AGL: variants seen among roughly 807,000 people sequenced by gnomAD.
The protein encoded by AGL is amylo-alpha-1,6-glucosidase and 4-alpha-glucanotransferase.
Under a neutral mutation model 199.3 loss-of-function variants are expected in AGL, and 128 were observed. The ratio of observed to expected loss-of-function variants is 0.64; its 90% CI spans 0.56 to 0.74. The LOEUF (loss-of-function observed/expected upper bound fraction) is 0.74. Ranked by LOEUF, AGL falls within the 30% of genes least tolerant of loss-of-function variation. The probability of loss-of-function intolerance (pLI) is 0.00; values close to 1 mark genes in which losing one functional copy is unlikely to be tolerated. For synonymous variants in AGL, 584 were observed against 594.7 expected (o/e 0.98, Z 0.26); for missense variants, 1,809 against 1,820.8 (o/e 0.99, Z 0.12).
intron 24 of AGL, 99 bp downstream of exon 24, chr1:99,892,706 C>A: frequency 8.3e-7 from 1 of 1,199,644 alleles, no homozygotes; most frequent in Non-Finnish European, 1.2e-6. Flanking sequence ...TGTAATGCTA[C>A]TCAAGATTTT....
intron 12 of AGL, among the ~76,000 whole-genome samples, chr1:99,878,791 G>T (rs1651778602): frequency 6.6e-6 from 1 of 152,114 alleles, no homozygotes; most frequent in Non-Finnish European, 1.5e-5. Context: ...GGGATTTAGT[G>T]AATATTAGTT....
At position 99,910,824 on chromosome 1, in the gene AGL, CAG is replaced by C. The variant is rs867341758; in HGVS notation, c.3816_3817del (p.Gly1273AsnfsTer18). On this transcript the variant is annotated frameshift_variant, in exon 28 of 34. Transcript: ENST00000361915. LOFTEE classifies it high-confidence loss of function. The part of the protein sequence containing the change: ...KMGESDRARN[R>X]GIPATPRDGS... ...TGGGAGAAAGTGACAGAGCTAGAAA[CAG>C]AGGAATCCCAGCCACACCAAGGTAG... The C allele has an allele frequency of 5.0e-6, 8 of 1,612,942 alleles. No individual in the cohort carries two copies. Among genetic ancestry groups the C allele is most frequent in the African/African-American group, 2.7e-5 (2 of 74,872 alleles).
chr1:99,899,051 C>T (rs1023643238), intron 25 of AGL, among the ~76,000 whole-genome samples: 2 of 151,986 alleles, frequency 1.3e-5, no homozygotes, highest in South Asian at 2.1e-4. Flanking sequence ...TCAAGACCAG[C>T]CTGGGCAACA....
At chr1:99,871,579 GA>G (rs2101116214) in intron 7 of AGL, among the ~76,000 whole-genome samples, 1 of 152,244 alleles carries the variant, frequency 6.6e-6, no homozygotes, top group East Asian at 1.9e-4. Flanking sequence ...TTCTCTTGCA[GA>G]AAACAGAACT....
In AGL at chr1:99,875,404, G is replaced by T. The variant is rs751699986; in HGVS notation, c.1232G>T (p.Gly411Val). ...LGNVFYERLA[G>V]HGPKLGPVTR... ...AATGTGTTTTATGAACGACTGGCTG[G>T]CCATGGTCCAAAACTAGGACCTGTC... is the stretch of plus-strand genomic sequence containing the variant. Residue 411 changes from glycine to valine, a missense_variant, in exon 10 of 34, where the codon GGC becomes GTC. Physicochemically the swap from Gly to Val is moderately radical, Grantham distance 109. Coordinates refer to ENST00000361915, the MANE Select transcript of AGL (RefSeq NM_000642.3). The T allele has an allele frequency of 1.9e-6, 3 of 1,614,100 alleles. No individual in the cohort carries two copies. The highest frequency in any genetic ancestry group is 2.5e-6 in the Non-Finnish European group (3 of 1,180,008).
At chr1:99,911,005 T>A (rs1654717599) in intron 28 of AGL, among the ~76,000 whole-genome samples, 158 bp downstream of exon 28, 1 of 152,226 alleles carries the variant, frequency 6.6e-6, no homozygotes. Context: ...ATTTACACAA[T>A]CCTGTTGATA....
chr1:99,886,408 C>G (rs1652456287), intron 20 of AGL, among the ~76,000 whole-genome samples: 1 of 151,956 alleles, frequency 6.6e-6, no homozygotes, highest in African/African-American at 2.4e-5. Flanking sequence ...TCAGTTGAGC[C>G]CAGGAGGTCT....
Position 99,875,278 on chromosome 1 carries a change from C to G in AGL, c.1185+22C>G, listed in dbSNP as rs754803498. The G allele has an allele frequency of 3.7e-6, 6 of 1,611,254 alleles. No individual in the cohort carries two copies. The South Asian group carries it at 5.5e-5, about 15-fold the overall frequency. On this transcript the variant is annotated intron_variant, in intron 9 of 33. Coordinates refer to ENST00000361915, the MANE Select transcript of AGL (RefSeq NM_000642.3). ...ACAGGTTTTACTTATTTTTGAACTG[C>G]TGCTTTTCCTTGCATCTTACTACTA...
rs188281643 is a variant in AGL at position 99,861,256 on chromosome 1, G to A, written c.83-247G>A. 736 of 1,349,204 alleles carry A rather than the reference G, an allele frequency of 5.5e-4. 2 individuals carry two copies. The African/African-American group carries it at 9.3e-3, about 17-fold the overall frequency. The allele number at this position is 1,349,204 out of a possible 1,614,324, so 83.6% of individuals were successfully genotyped here. On this transcript the variant is annotated intron_variant, in intron 2 of 33. Transcript: ENST00000361915. ...CAAGTTGCTATGTGAATAGGAATGC[G>A]TTTCCAGGGGAAGGAGAAAGAGACA...
chr1:99,885,064 T>C (rs1363943097), intron 20 of AGL, among the ~76,000 whole-genome samples: 2 of 152,244 alleles, frequency 1.3e-5, no homozygotes, highest in African/African-American at 4.8e-5. Flanking sequence ...TATTCTACTT[T>C]ATGGCTTTAC....
rs1652311730 is a variant in AGL, at chr1:99,884,658, T to C, written c.2636T>C (p.Leu879Pro). Residue 879 changes from leucine to proline, a missense_variant, in exon 20 of 34, where the codon CTA becomes CCA. Leu to Pro is a moderately conservative substitution (Grantham distance 98). Coordinates refer to ENST00000361915, the MANE Select transcript of AGL (RefSeq NM_000642.3). ...QFSPHFKSGS[L>P]AVDNADPILK... Reference sequence around the variant, plus strand: ...AGTCCTCACTTTAAATCTGGCAGCCTAGCTGTTGACAATGCAGATCCTATA... The same window carrying C: ...AGTCCTCACTTTAAATCTGGCAGCCCAGCTGTTGACAATGCAGATCCTATA... 6.2e-7 allele frequency: 1 copy of C among 1,614,058 alleles called. No individual in the cohort carries two copies. Among genetic ancestry groups the C allele is most frequent in the Non-Finnish European group, 8.5e-7 (1 of 1,179,950 alleles).
In AGL at chr1:99,876,617, T is replaced by G. The variant is rs1390586646; in HGVS notation, c.1423+20T>G. On this transcript the variant is annotated intron_variant, in intron 11 of 33. Coordinates refer to ENST00000361915, the MANE Select transcript of AGL (RefSeq NM_000642.3). ...AACCGGGTATGTAATTTTTAACTTC[T>G]CTGTGGATGGGGAAAGAATAGTTCA... 1 of 1,613,408 alleles carries G rather than the reference T, an allele frequency of 6.2e-7. No individual in the cohort carries two copies. Among genetic ancestry groups the G allele is most frequent in the African/African-American group, 1.3e-5 (1 of 74,900 alleles).
chr1:99,884,801 C>T, intron 20 of AGL, 98 bp downstream of exon 20: 5 of 1,440,476 alleles, frequency 3.5e-6, no homozygotes, highest in Non-Finnish European at 4.9e-6. Context: ...ATCCTTGCTA[C>T]TCAAAGTACG....
chr1:99,920,152 C>G (rs1342863585), intron 33 of AGL, among the ~76,000 whole-genome samples: 1 of 152,104 alleles, frequency 6.6e-6, no homozygotes, highest in East Asian at 1.9e-4. Context: ...TGTTAGTTTG[C>G]TAGAGCTGCA....
intron 4 of AGL, among the ~76,000 whole-genome samples, chr1:99,864,153 A>G (rs1007183822): frequency 5.1e-4 from 78 of 152,298 alleles, no homozygotes; most frequent in African/African-American, 1.8e-3. Flanking sequence ...ATATTATCTC[A>G]TTATCTCTGT....
At position 99,891,537 on chromosome 1, in the gene AGL, A is replaced by G; in HGVS notation, c.2950-69A>G. ...TTACTAGATAAAGTTGCACATTTAGATTTACCTCTAAAAACACACCTAGTC... is the reference window on the plus strand; with the variant it reads ...TTACTAGATAAAGTTGCACATTTAGGTTTACCTCTAAAAACACACCTAGTC... On this transcript the variant is annotated intron_variant, in intron 22 of 33. Transcript: ENST00000361915. The G allele has an allele frequency of 3.2e-6, 5 of 1,581,592 alleles. No homozygotes were observed. The South Asian group carries it at 4.4e-5, about 14-fold the overall frequency.
At chr1:99,886,855 T>G (rs1217275817) in intron 20 of AGL, among the ~76,000 whole-genome samples, 1 of 152,216 alleles carries the variant, frequency 6.6e-6, no homozygotes, top group Admixed American at 6.5e-5. Flanking sequence ...AAAAAATCTG[T>G]GATGAAGCAG....
intron 17 of AGL, among the ~76,000 whole-genome samples, chr1:99,882,927 A>G (rs556320640): frequency 6.6e-6 from 1 of 152,292 alleles, no homozygotes; most frequent in African/African-American, 2.4e-5. Context: ...TCACAAATGT[A>G]TATTCACTAT....
At chr1:99,903,411 T>G (rs1378531942) in intron 27 of AGL, among the ~76,000 whole-genome samples, 1 of 152,180 alleles carries the variant, frequency 6.6e-6, no homozygotes, top group Non-Finnish European at 1.5e-5. Flanking sequence ...TTGCGATAGT[T>G]TGCTGAGAAT....
Sources: allele counts gnomAD v4.1 joint callset (sites outside exome capture counted in the v4.1 genomes callset), GRCh38; gene constraint gnomAD v4.1.1; transcripts MANE v1.5; gene names NCBI Gene and HGNC (gene_info 2026-07-23, HGNC 2026-07-21).